Variants in PDE1C observed in about 807,000 individuals in gnomAD.
PDE1C encodes the protein dual specificity calcium/calmodulin-dependent 3',5'-cyclic nucleotide phosphodiesterase 1C.
In PDE1C, 62 loss-of-function variants were observed where a neutral mutation model predicts 93.1. That is an observed-to-expected ratio of 0.67 (90% CI 0.54 to 0.82). The LOEUF is 0.82. Among genes scored for constraint, PDE1C ranks in the 40% least tolerant of loss-of-function variants. The pLI is 0.00. For synonymous variants in PDE1C, 325 were observed against 310.1 expected (o/e 1.05, Z -0.50); for missense variants, 742 against 884.6 (o/e 0.84, Z 2.04).
the PDE1C span, among the ~76,000 whole-genome samples, chr7:31,705,986 A>ATT: frequency 0.024 from 1,279 of 52,500 alleles, 409 homozygotes; most frequent in Non-Finnish European, 0.031. Context: ...CAGACCAGTA[A>ATT]TTTTTTTTTT....
chr7:31,977,018 C>A (rs1252397357), intron 2 of PDE1C, among the ~76,000 whole-genome samples: 2 of 152,160 alleles, frequency 1.3e-5, no homozygotes, highest in Admixed American at 1.3e-4. Flanking sequence ...GTTTAAGGCT[C>A]AACAAGCTGT....
intron 2 of PDE1C, among the ~76,000 whole-genome samples, chr7:31,997,523 T>A (rs1383421702): frequency 5.3e-5 from 8 of 152,218 alleles, no homozygotes; most frequent in African/African-American, 1.9e-4. Flanking sequence ...ACAATAGAGC[T>A]TGGAGAACCT....
chr7:32,220,974 A>G (rs1424751687), intron 1 of PDE1C, among the ~76,000 whole-genome samples: 1 of 152,168 alleles, frequency 6.6e-6, no homozygotes, highest in African/African-American at 2.4e-5. Context: ...CAGTTCTCCA[A>G]AAGAAAGGAA....
chr7:32,132,024 G>A (rs763474751), intron 3 of PDE1C, among the ~76,000 whole-genome samples: 1 of 152,060 alleles, frequency 6.6e-6, no homozygotes, highest in Non-Finnish European at 1.5e-5. Flanking sequence ...TTGTTTGATT[G>A]GCTTGTTTGA....
intron 2 of PDE1C, among the ~76,000 whole-genome samples, chr7:31,937,904 G>A (rs950024462): frequency 2.6e-5 from 4 of 152,096 alleles, no homozygotes; most frequent in South Asian, 2.1e-4. Flanking sequence ...CTGAAGTGGC[G>A]AGCTTCAGTT....
At chr7:32,158,762 T>A (rs1801729783) in intron 3 of PDE1C, among the ~76,000 whole-genome samples, 1 of 152,166 alleles carries the variant, frequency 6.6e-6, no homozygotes, top group Non-Finnish European at 1.5e-5. Context: ...AATTTAAAAA[T>A]ATATACAGTC....
At chr7:31,658,389 G>A in the PDE1C span, 1 of 1,495,400 alleles carries the variant, frequency 6.7e-7, no homozygotes, top group Non-Finnish European at 8.8e-7. Flanking sequence ...CTGGTCTGTT[G>A]TAATTGTTTT....
intron 1 of PDE1C, among the ~76,000 whole-genome samples, chr7:32,269,257 G>C (rs564336723): frequency 3.9e-5 from 6 of 152,184 alleles, no homozygotes; most frequent in Non-Finnish European, 7.3e-5. Flanking sequence ...TGAGCCAGGG[G>C]GGGTGAGATG....
intron 2 of PDE1C, among the ~76,000 whole-genome samples, chr7:32,180,241 T>C (rs925026193): frequency 6.6e-6 from 1 of 152,190 alleles, no homozygotes; most frequent in Non-Finnish European, 1.5e-5. Context: ...TCTCCTGCAA[T>C]TGCAAAAAGA....
chr7:31,735,695 T>G, the PDE1C span, among the ~76,000 whole-genome samples: 1 of 152,234 alleles, frequency 6.6e-6, no homozygotes, highest in Admixed American at 6.5e-5. Flanking sequence ...TGTCTGCTCC[T>G]GAGTAGAAGG....
At chr7:31,919,868 T>C (rs2128956375) in intron 2 of PDE1C, among the ~76,000 whole-genome samples, 1 of 152,280 alleles carries the variant, frequency 6.6e-6, no homozygotes, top group South Asian at 2.1e-4. Flanking sequence ...GCTCCCAACC[T>C]ACCCTCCACT....
At chr7:31,730,927 C>T in the PDE1C span, among the ~76,000 whole-genome samples, 1 of 151,880 alleles carries the variant, frequency 6.6e-6, no homozygotes, top group South Asian at 2.1e-4. Context: ...AAAAAATGGA[C>T]CTAAAATATC....
chr7:32,103,404 G>A (rs1191266372), intron 3 of PDE1C, among the ~76,000 whole-genome samples: 3 of 152,122 alleles, frequency 2.0e-5, no homozygotes, highest in African/African-American at 7.2e-5. Context: ...GAGGACAGAG[G>A]TCTTAGCCTG....
intron 3 of PDE1C, among the ~76,000 whole-genome samples, chr7:32,104,049 T>A (rs1798169524): frequency 6.6e-6 from 1 of 151,968 alleles, no homozygotes; most frequent in Non-Finnish European, 1.5e-5. Context: ...AAACAATCAA[T>A]TACGCTCAGA....
At chr7:32,235,918 C>T (rs1405890946) in intron 1 of PDE1C, among the ~76,000 whole-genome samples, 1 of 152,082 alleles carries the variant, frequency 6.6e-6, no homozygotes, top group Non-Finnish European at 1.5e-5. Flanking sequence ...GTAATCAAGA[C>T]AGTATGGTAT....
At chr7:32,184,591 T>G (rs1395021451) in intron 2 of PDE1C, among the ~76,000 whole-genome samples, 1 of 152,022 alleles carries the variant, frequency 6.6e-6, no homozygotes, top group Non-Finnish European at 1.5e-5. Context: ...TAGGTGAGAA[T>G]TGAACAATGA....
At chr7:32,330,695 C>T (rs1307493142) in intron 1 of PDE1C, among the ~76,000 whole-genome samples, 2 of 152,136 alleles carry the variant, frequency 1.3e-5, no homozygotes, top group African/African-American at 4.8e-5. Context: ...GAGCCCCAGG[C>T]CATGATTCGC....
At chr7:32,098,285 C>A (rs1339012681) in intron 3 of PDE1C, among the ~76,000 whole-genome samples, 3 of 147,502 alleles carry the variant, frequency 2.0e-5, no homozygotes, top group Non-Finnish European at 4.5e-5. Context: ...AACCCTGAAG[C>A]GGGTAATCAT....
chr7:32,245,610 C>A (rs1472979486), intron 1 of PDE1C, among the ~76,000 whole-genome samples: 3 of 152,150 alleles, frequency 2.0e-5, no homozygotes. Context: ...GTTTTCTCTC[C>A]CAGGTGTATC....
Sources: gnomAD v4.1 joint callset for allele counts (sites outside exome capture counted in the v4.1 genomes callset) on GRCh38, gnomAD v4.1.1 for gene constraint, MANE v1.5 for transcripts, NCBI Gene and HGNC (gene_info 2026-07-23, HGNC 2026-07-21) for gene names.